NTRK3: variants seen among roughly 807,000 people sequenced by gnomAD.
NTRK3 encodes the protein neurotrophic receptor tyrosine kinase 3.
NTRK3 carries 24 observed loss-of-function variants against 91.7 expected under a neutral mutation model. That is an observed-to-expected ratio of 0.26 (90% CI 0.19 to 0.37). NTRK3 has a LOEUF of 0.37. NTRK3 is among the 10% of genes least tolerant of loss of function. NTRK3 has a pLI of 1.00. For missense variants in NTRK3, 880 were observed against 1,068.9 expected, an observed-to-expected ratio of 0.82 and a Z score of 2.46; for synonymous variants, 483 against 404.0, an observed-to-expected ratio of 1.20 and a Z score of -2.34.
At chr15:87,885,047 C>A (rs1168127390) in intron 17 of NTRK3, among the ~76,000 whole-genome samples, 1 of 151,942 alleles carries the variant, frequency 6.6e-6, no homozygotes. Flanking sequence ...CAGTTAGAAC[C>A]ATTATATGAT....
At chr15:87,872,103 T>C (rs2064839040) in exon 19 of NTRK3, 2 of 221,808 alleles carry the variant, frequency 9.0e-6, no homozygotes, top group South Asian at 3.7e-4. Context: ...CCCTTGAGTC[T>C]TCTAGCAGGT....
intron 13 of NTRK3, among the ~76,000 whole-genome samples, chr15:88,050,567 T>A (rs1596995642): frequency 6.8e-6 from 1 of 146,074 alleles, no homozygotes; most frequent in African/African-American, 2.8e-5. Context: ...ATACACACAC[T>A]CACACACACA....
chr15:88,036,943 G>A (rs1596876438), intron 13 of NTRK3, among the ~76,000 whole-genome samples: 1 of 152,206 alleles, frequency 6.6e-6, no homozygotes, highest in South Asian at 2.1e-4. Flanking sequence ...CTTTGAATCT[G>A]CTCACATAAA....
At chr15:87,896,520 A>G (rs1421369355) in intron 17 of NTRK3, among the ~76,000 whole-genome samples, 1 of 151,638 alleles carries the variant, frequency 6.6e-6, no homozygotes, top group Non-Finnish European at 1.5e-5. Flanking sequence ...ATATACATGT[A>G]TATATATTAC....
intron 3 of NTRK3, among the ~76,000 whole-genome samples, chr15:88,251,084 T>G (rs146310473): frequency 1.7e-4 from 26 of 152,306 alleles, no homozygotes; most frequent in African/African-American, 3.4e-4. Flanking sequence ...CACATTCTTG[T>G]TAAATATGCC....
intron 2 of NTRK3, 26 bp from the exon 3 acceptor site, chr15:88,256,194 A>AG (rs749584054): frequency 1.5e-5 from 4 of 275,434 alleles, no homozygotes; most frequent in African/African-American, 4.1e-5. Flanking sequence ...AGGAGAGGAG[A>AG]GGGGGGTGGG....
chr15:87,904,408 G>A (rs948307254), intron 17 of NTRK3, among the ~76,000 whole-genome samples: 8 of 151,296 alleles, frequency 5.3e-5, no homozygotes, highest in Admixed American at 2.6e-4. Context: ...CATCCGCCTC[G>A]GCCTCCCAAA....
At chr15:88,044,988 G>A (rs781089813) in intron 13 of NTRK3, among the ~76,000 whole-genome samples, 1 of 152,218 alleles carries the variant, frequency 6.6e-6, no homozygotes, top group Non-Finnish European at 1.5e-5. Flanking sequence ...TATTGCAGGT[G>A]CTTCTGGCCT....
chr15:88,047,027 C>G (rs553385051), intron 13 of NTRK3, among the ~76,000 whole-genome samples: 1 of 152,158 alleles, frequency 6.6e-6, no homozygotes, highest in Admixed American at 6.5e-5. Flanking sequence ...GCTCCATGGG[C>G]GAGGCTGACA....
At chr15:88,138,193 G>T (rs1003108145) in intron 6 of NTRK3, among the ~76,000 whole-genome samples, 1 of 151,862 alleles carries the variant, frequency 6.6e-6, no homozygotes, top group African/African-American at 2.4e-5. Context: ...CACAAGGTCA[G>T]GAGATCGAGA....
At chr15:88,158,804 G>C (rs1197867036) in intron 5 of NTRK3, among the ~76,000 whole-genome samples, 1 of 152,106 alleles carries the variant, frequency 6.6e-6, no homozygotes, top group Non-Finnish European at 1.5e-5. Flanking sequence ...GCCTGGCGTG[G>C]GAGCTGACTA....
intron 14 of NTRK3, among the ~76,000 whole-genome samples, chr15:87,963,797 T>C (rs1353557845): frequency 6.6e-6 from 1 of 152,202 alleles, no homozygotes; most frequent in Admixed American, 6.5e-5. Context: ...TACACATTGG[T>C]ATCACCCCAT....
In NTRK3 at chr15:87,883,679, A is replaced by C. The variant is rs995781650; in HGVS notation, c.2134-3251T>G. On this transcript the variant is annotated intron_variant, in intron 17 of 18. Transcript: ENST00000394480. ...AATCACATATTAAATCTCAAAGGAA[A>C]ACTGGAATTCCAAGATAAAAAATAA... is the stretch of plus-strand genomic sequence containing the variant. Among the ~76,000 whole-genome samples the C allele has an allele frequency of 2.0e-5, 3 of 151,168 alleles. No individual in the cohort carries two copies. The South Asian group carries it at 6.2e-4, about 31-fold the overall frequency.
At chr15:88,020,044 A>G (rs2077497360) in intron 14 of NTRK3, among the ~76,000 whole-genome samples, 1 of 152,248 alleles carries the variant, frequency 6.6e-6, no homozygotes, top group African/African-American at 2.4e-5. Context: ...ACGAAGTCAA[A>G]TAAGCAGACA....
intron 13 of NTRK3, among the ~76,000 whole-genome samples, chr15:88,086,686 G>C (rs976579846): frequency 1.3e-5 from 2 of 152,160 alleles, no homozygotes; most frequent in African/African-American, 4.8e-5. Flanking sequence ...AATAAAATCA[G>C]AATGTCTAGC....
chr15:88,205,632 C>G (rs2048683637), intron 3 of NTRK3, among the ~76,000 whole-genome samples: 1 of 152,190 alleles, frequency 6.6e-6, no homozygotes, highest in African/African-American at 2.4e-5. Context: ...CGCTTCTGAA[C>G]AAGGGCTATC....
At chr15:88,181,672 G>C (rs774178476) in intron 5 of NTRK3, among the ~76,000 whole-genome samples, 15 of 152,176 alleles carry the variant, frequency 9.9e-5, no homozygotes, top group Non-Finnish European at 2.2e-4. Context: ...AGTTTCATTT[G>C]GCCCATGGAG....
intron 13 of NTRK3, among the ~76,000 whole-genome samples, chr15:88,064,692 C>G (rs1181826088): frequency 6.6e-6 from 1 of 152,156 alleles, no homozygotes; most frequent in Non-Finnish European, 1.5e-5. Flanking sequence ...GTGGACATGA[C>G]AGAACCAAGG....
At chr15:88,254,406 C>T (rs559090396) in intron 3 of NTRK3, among the ~76,000 whole-genome samples, 116 of 152,278 alleles carry the variant, frequency 7.6e-4, no homozygotes, top group African/African-American at 2.6e-3. Flanking sequence ...TTTATCTTGT[C>T]ATCTCTGGCC....
Sources: gnomAD v4.1 joint callset for allele counts (sites outside exome capture counted in the v4.1 genomes callset) on GRCh38, gnomAD v4.1.1 for gene constraint, MANE v1.5 for transcripts, NCBI Gene and HGNC (gene_info 2026-07-23, HGNC 2026-07-21) for gene names.